The following SRPK1 variants were observed in gnomAD, a reference collection of about 807,000 sequenced individuals.
SRPK1 encodes the protein SRSF protein kinase 1.
In SRPK1, 52 loss-of-function variants were observed where a neutral mutation model predicts 89.5. The ratio of observed to expected loss-of-function variants is 0.58; its 90% confidence interval spans 0.46 to 0.73. The LOEUF (loss-of-function observed/expected upper bound fraction) is 0.73. Among genes scored for constraint, SRPK1 ranks in the 30% least tolerant of loss-of-function variants. SRPK1 has a pLI of 0.00. For missense variants in SRPK1, 603 were observed against 780.6 expected (o/e 0.77, Z 2.71); for synonymous variants, 255 against 270.2 (o/e 0.94, Z 0.55).
At chr6:35,914,668 A>G (rs1771049963) in intron 2 of SRPK1, among the ~76,000 whole-genome samples, 1 of 152,192 alleles carries the variant, frequency 6.6e-6, no homozygotes, top group South Asian at 2.1e-4. Context: ...TCCTCCCACT[A>G]TAATAATATA....
Position 35,872,741 on chromosome 6 carries a change from A to T in SRPK1, c.586-13T>A. On this transcript the variant is annotated splice_polypyrimidine_tract_variant and intron_variant, in intron 7 of 15. Transcript: ENST00000373825. The stretch of plus-strand genomic sequence containing the variant: ...GACCCTGTAACACCTGAATGGAAAT[A>T]GAGTGGCAGACTTGCAAACACAAAA... 6.3e-7 allele frequency: 1 copy of T among 1,585,430 alleles called. No homozygotes were observed. Among genetic ancestry groups the T allele is most frequent in the African/African-American group, 1.4e-5 (1 of 74,026 alleles).
In SRPK1 at chr6:35,899,064, G is replaced by C. The variant is rs369593857; in HGVS notation, c.75-8051C>G. On this transcript the variant is annotated intron_variant, in intron 2 of 15. Coordinates refer to ENST00000373825, the MANE Select transcript of SRPK1 (RefSeq NM_003137.5). ...TAGTACCAGCTACTCAGGAGGTTGA[G>C]GCAGGAGAATCGCTTGAACCTGGGA... Among the ~76,000 whole-genome samples the C allele has an allele frequency of 3.3e-5, 5 of 152,152 alleles. No individual in the cohort carries two copies. In the East Asian group the frequency reaches 7.7e-4, roughly 23 times the overall value.
intron 4 of SRPK1, 83 bp from the exon 5 acceptor site, chr6:35,888,194 A>C (rs1051567919): frequency 4.3e-5 from 37 of 851,194 alleles, no homozygotes; most frequent in Non-Finnish European, 6.3e-5. Flanking sequence ...GATGGTTAAA[A>C]AGGACAAATA....
rs1202838162 is a variant in SRPK1, at chr6:35,835,221, C to T, written c.*83G>A. ...AGAAACTCTTGAAGGAAGAGCTTCA[C>T]CCTGAAAAGGGAAGAGGAAAATGCT... On this transcript the variant is annotated 3_prime_UTR_variant, in exon 16 of 16. Coordinates refer to ENST00000373825, the MANE Select transcript of SRPK1 (RefSeq NM_003137.5). The T allele has an allele frequency of 2.5e-6, 3 of 1,223,336 alleles. No homozygotes were observed. Among genetic ancestry groups the T allele is most frequent in the Non-Finnish European group, 3.4e-6 (3 of 891,882 alleles). 75.8% of individuals were successfully genotyped at this position (1,223,336 alleles called of 1,614,324 possible).
At chr6:35,851,366 G>C (rs537455095) in intron 13 of SRPK1, among the ~76,000 whole-genome samples, 18 of 152,008 alleles carry the variant, frequency 1.2e-4, no homozygotes, top group African/African-American at 4.1e-4. Flanking sequence ...TAGAGACAGG[G>C]TTTCACCAGG....
At chr6:35,908,593 ATC>A (rs1466242168) in intron 2 of SRPK1, among the ~76,000 whole-genome samples, 9 of 152,246 alleles carry the variant, frequency 5.9e-5, no homozygotes, top group African/African-American at 1.9e-4. Flanking sequence ...TCAGAAAGAA[ATC>A]ATTTGAAATT....
intron 12 of SRPK1, among the ~76,000 whole-genome samples, chr6:35,862,831 C>T (rs1488146666): frequency 6.6e-6 from 1 of 151,926 alleles, no homozygotes; most frequent in Non-Finnish European, 1.5e-5. Context: ...CTTAAAACAA[C>T]AACAACAACA....
At chr6:35,872,814 A>G in intron 7 of SRPK1, 86 bp from the exon 8 acceptor site, 1 of 1,244,972 alleles carries the variant, frequency 8.0e-7, no homozygotes, top group East Asian at 3.0e-5. Flanking sequence ...CATTAAAAAA[A>G]AAAAAAAGAT....
intron 14 of SRPK1, among the ~76,000 whole-genome samples, chr6:35,839,639 C>A (rs953984456): frequency 2.8e-5 from 4 of 143,596 alleles, no homozygotes; most frequent in Non-Finnish European, 6.0e-5. Context: ...TGCCCCCCCC[C>A]TTTTTTTTTT....
Position 35,899,408 on chromosome 6 carries a change from C to A in SRPK1, c.75-8395G>T, listed in dbSNP as rs530493427. ...CATGCCCTCTGCCACTCCCCTTAACCCGCTACTTTTCTTCAGCACTTGGCA... is the reference window on the plus strand; with the variant it reads ...CATGCCCTCTGCCACTCCCCTTAACACGCTACTTTTCTTCAGCACTTGGCA... On this transcript the variant is annotated intron_variant, in intron 2 of 15. Coordinates refer to ENST00000373825, the MANE Select transcript of SRPK1 (RefSeq NM_003137.5). 1.2e-4 allele frequency among the ~76,000 whole-genome samples: 18 copies of A among 152,260 alleles called. No homozygotes were observed. In the South Asian group the frequency reaches 3.5e-3, roughly 30 times the overall value.
At position 35,914,637 on chromosome 6, in the gene SRPK1, G is replaced by A. The variant is rs1305787649; in HGVS notation, c.74+5831C>T. 2.0e-5 allele frequency among the ~76,000 whole-genome samples: 3 copies of A among 151,918 alleles called. 1 individual carries two copies. The highest frequency in any genetic ancestry group is 1.9e-4 in the East Asian group (1 of 5,182). On this transcript the variant is annotated intron_variant, in intron 2 of 15. Transcript: ENST00000373825. ...TATACTATTTAATTTACTTATTTAT[G>A]TCTATTGTTTATTCTGTCTTTCCTC...
Position 35,834,106 on chromosome 6 carries a change from T to C in SRPK1, c.*1198A>G, listed in dbSNP as rs1769122093. 2 of 152,552 alleles carry C rather than the reference T, an allele frequency of 1.3e-5. No homozygotes were observed. Among genetic ancestry groups the C allele is most frequent in the Admixed American group, 6.6e-5 (1 of 15,266 alleles). 9.4% of individuals were successfully genotyped at this position (152,552 alleles called of 1,614,324 possible). A position where few individuals can be genotyped will look rare whatever the true frequency, so the allele number is the denominator to read the frequency against. ...AAATTATGGTTAAAAATTGACATTA[T>C]GTAGGGAAATAGCAGCAGAGAATGG... is the stretch of plus-strand genomic sequence containing the variant. On this transcript the variant is annotated 3_prime_UTR_variant, in exon 16 of 16. Coordinates refer to ENST00000373825, the MANE Select transcript of SRPK1 (RefSeq NM_003137.5).
intron 6 of SRPK1, among the ~76,000 whole-genome samples, chr6:35,886,082 C>CTT (rs34954400): frequency 1.2e-4 from 17 of 136,616 alleles, no homozygotes; most frequent in Non-Finnish European, 1.1e-4. Context: ...TAGACAGTAT[C>CTT]TTTTTTTTTT....
At chr6:35,835,824 T>TG (rs1295381401) in intron 15 of SRPK1, among the ~76,000 whole-genome samples, 1 of 152,188 alleles carries the variant, frequency 6.6e-6, no homozygotes, top group Non-Finnish European at 1.5e-5. Flanking sequence ...TGGTCTTATA[T>TG]GGTGTGCAGA....
rs1420265047 is a variant in SRPK1, at chr6:35,852,611, T to G, written c.1620+4650A>C. Among the ~76,000 whole-genome samples, 4 of 152,350 alleles carry G rather than the reference T, an allele frequency of 2.6e-5. No homozygotes were observed. In the East Asian group the frequency reaches 7.7e-4, roughly 29 times the overall value. Reference sequence around the variant, plus strand: ...TCTAAAGAGCTATTGTGCATAGTGCTAGAAGTTATAACCACCTGCAGACAT... The same window carrying G: ...TCTAAAGAGCTATTGTGCATAGTGCGAGAAGTTATAACCACCTGCAGACAT... On this transcript the variant is annotated intron_variant, in intron 13 of 15. Transcript: ENST00000373825.
At chr6:35,912,148 CA>C (rs1221495350) in intron 2 of SRPK1, among the ~76,000 whole-genome samples, 1 of 151,412 alleles carries the variant, frequency 6.6e-6, no homozygotes, top group Non-Finnish European at 1.5e-5. Context: ...AGCTTGAGGG[CA>C]ACATAATGAG....
intron 2 of SRPK1, among the ~76,000 whole-genome samples, chr6:35,913,969 C>T (rs376189259): frequency 4.3e-5 from 4 of 92,936 alleles, no homozygotes; most frequent in Non-Finnish European, 8.3e-5. Context: ...GATACTTTCT[C>T]TTTTTTTTTT....
chr6:35,875,794 T>A (rs1770143263), intron 6 of SRPK1, among the ~76,000 whole-genome samples: 1 of 152,142 alleles, frequency 6.6e-6, no homozygotes, highest in Non-Finnish European at 1.5e-5. Flanking sequence ...CAAAATATCA[T>A]TCCACAGATT....
intron 14 of SRPK1, among the ~76,000 whole-genome samples, chr6:35,839,594 G>C (rs1769258238): frequency 6.6e-6 from 1 of 151,958 alleles, no homozygotes; most frequent in African/African-American, 2.4e-5. Context: ...GGTGAGTCTG[G>C]GACCAACCAG....
Sources: allele counts gnomAD v4.1 joint callset (sites outside exome capture counted in the v4.1 genomes callset), GRCh38; gene constraint gnomAD v4.1.1; transcripts MANE v1.5; gene names NCBI Gene and HGNC (gene_info 2026-07-23, HGNC 2026-07-21).